The following PLGRKT variants were observed in gnomAD, a reference collection of about 807,000 sequenced individuals.
PLGRKT encodes plasminogen receptor with a C-terminal lysine, also known as plasminogen receptor (KT).
PLGRKT carries 22 observed loss-of-function variants against 18.5 expected under a neutral mutation model. The ratio of observed to expected loss-of-function variants is 1.19; its 90% CI spans 0.85 to 1.70. The LOEUF (loss-of-function observed/expected upper bound fraction) is 1.70, where lower values mean the gene tolerates loss of function less well. PLGRKT is among the 40% of genes most tolerant of loss of function. The pLI is 0.00. For missense variants in PLGRKT, 235 were observed against 174.4 expected (o/e 1.35, Z -1.96); for synonymous variants, 72 against 52.8 (o/e 1.36, Z -1.58).
chr9:5,405,871 C>A (rs945657561), intron 3 of PLGRKT, among the ~76,000 whole-genome samples: 3 of 152,026 alleles, frequency 2.0e-5, no homozygotes, highest in African/African-American at 7.2e-5. Flanking sequence ...TGACAAAGGT[C>A]TAATATCCAG....
At chr9:5,395,394 A>G (rs897985698) in intron 3 of PLGRKT, among the ~76,000 whole-genome samples, 3 of 151,990 alleles carry the variant, frequency 2.0e-5, no homozygotes, top group Non-Finnish European at 4.4e-5. Context: ...AACTCAGTGA[A>G]TTACTGGTAC....
intron 3 of PLGRKT, among the ~76,000 whole-genome samples, chr9:5,428,273 G>T (rs1050773857): frequency 6.6e-6 from 1 of 152,150 alleles, no homozygotes; most frequent in Non-Finnish European, 1.5e-5. Context: ...TCTCCCTCCA[G>T]TCCCCAATCC....
intron 3 of PLGRKT, among the ~76,000 whole-genome samples, chr9:5,375,675 A>C (rs10975082): frequency 0.23 from 35,088 of 152,120 alleles, 5,008 homozygotes; most frequent in Non-Finnish European, 0.31. Context: ...AAAGCAAACA[A>C]ACACACAACA....
chr9:5,430,995 A>T (rs1051983278), intron 3 of PLGRKT, among the ~76,000 whole-genome samples: 7 of 152,364 alleles, frequency 4.6e-5, no homozygotes, highest in African/African-American at 1.4e-4. Flanking sequence ...GTAACAAATT[A>T]TACGAAGTCT....
At chr9:5,415,546 G>A (rs1236975311) in intron 3 of PLGRKT, among the ~76,000 whole-genome samples, 2 of 152,002 alleles carry the variant, frequency 1.3e-5, no homozygotes, top group Non-Finnish European at 2.9e-5. Context: ...TTATCAATTA[G>A]AAAGAAAAAA....
At chr9:5,414,154 A>C (rs1434841416) in intron 3 of PLGRKT, among the ~76,000 whole-genome samples, 2 of 152,062 alleles carry the variant, frequency 1.3e-5, no homozygotes, top group Non-Finnish European at 2.9e-5. Context: ...GAGGAAGAAC[A>C]TTTCTTGGAG....
intron 3 of PLGRKT, among the ~76,000 whole-genome samples, chr9:5,398,454 G>C (rs1180298583): frequency 1.3e-5 from 2 of 152,000 alleles, no homozygotes; most frequent in Non-Finnish European, 2.9e-5. Context: ...CTGGAGGAAA[G>C]AAAACAGAGA....
chr9:5,358,016 G>A lies in PLGRKT; in HGVS notation c.*223C>T, dbSNP rs1469873989. On this transcript the variant is annotated 3_prime_UTR_variant, in exon 6 of 6. Transcript: ENST00000223864. ...TTATTAATTTTACACTTAGATATTG[G>A]TAATGCACACAGAGAGAGGAAATCT... 3 of 368,944 alleles carry A rather than the reference G, an allele frequency of 8.1e-6. No individual in the cohort carries two copies. The highest frequency in any genetic ancestry group is 6.2e-5 in the African/African-American group (3 of 48,032). 22.9% of individuals were successfully genotyped at this position (368,944 alleles called of 1,614,324 possible).
rs117731823 is a variant in PLGRKT, at chr9:5,364,787, G to C, written c.82-2899C>G. On this transcript the variant is annotated intron_variant, in intron 3 of 5. Coordinates refer to ENST00000223864, the MANE Select transcript of PLGRKT (RefSeq NM_018465.4). ...ACTGGAGATGAGCAACAAGTAAATTGACAGAAGATGGTGGAAGCCAGGTTT... is the reference window on the plus strand; with the variant it reads ...ACTGGAGATGAGCAACAAGTAAATTCACAGAAGATGGTGGAAGCCAGGTTT... 6.7e-4 allele frequency among the ~76,000 whole-genome samples: 102 copies of C among 152,278 alleles called. 1 individual carries two copies. The highest frequency in any genetic ancestry group is 1.2e-3 in the Non-Finnish European group (82 of 68,028).
intron 3 of PLGRKT, chr9:5,392,300 T>C (rs577087518): frequency 2.0e-5 from 3 of 152,104 alleles, no homozygotes; most frequent in Admixed American, 1.3e-4. Flanking sequence ...GGTTAATATA[T>C]TGATATAAAT....
chr9:5,411,675 C>T (rs1818369120), intron 3 of PLGRKT, among the ~76,000 whole-genome samples: 1 of 152,198 alleles, frequency 6.6e-6, no homozygotes, highest in Admixed American at 6.5e-5. Flanking sequence ...CTAACACATC[C>T]TCTTGCTGGC....
At chr9:5,375,489 G>A (rs1817610449) in intron 3 of PLGRKT, among the ~76,000 whole-genome samples, 1 of 152,076 alleles carries the variant, frequency 6.6e-6, no homozygotes, top group Non-Finnish European at 1.5e-5. Flanking sequence ...AGCCCTAAAT[G>A]TACCAAATGA....
intron 2 of PLGRKT, among the ~76,000 whole-genome samples, chr9:5,435,653 T>C (rs903459228): frequency 2.6e-5 from 4 of 152,262 alleles, no homozygotes; most frequent in African/African-American, 7.2e-5. Context: ...TTTTTATTCT[T>C]AATCCAACTG....
At chr9:5,390,841 T>C (rs935209349) in intron 3 of PLGRKT, among the ~76,000 whole-genome samples, 5 of 151,948 alleles carry the variant, frequency 3.3e-5, no homozygotes, top group African/African-American at 9.7e-5. Flanking sequence ...CACTGGAGAT[T>C]TTTTAAATGT....
At chr9:5,401,506 G>A (rs1317748121) in intron 3 of PLGRKT, among the ~76,000 whole-genome samples, 5 of 151,986 alleles carry the variant, frequency 3.3e-5, no homozygotes, top group South Asian at 4.1e-4. Flanking sequence ...GTAACCCAGA[G>A]AAAGATTAGA....
chr9:5,417,786 A>T (rs1450373265), intron 3 of PLGRKT, among the ~76,000 whole-genome samples: 4 of 148,616 alleles, frequency 2.7e-5, no homozygotes, highest in Admixed American at 1.3e-4. Context: ...CATTGGAGAC[A>T]GTTGTTAAAA....
intron 3 of PLGRKT, among the ~76,000 whole-genome samples, chr9:5,422,696 T>A (rs975409562): frequency 2.0e-5 from 3 of 152,160 alleles, no homozygotes; most frequent in African/African-American, 7.2e-5. Context: ...AATATGGTTA[T>A]ATCTATATCT....
At chr9:5,421,463 T>C (rs1218408378) in intron 3 of PLGRKT, among the ~76,000 whole-genome samples, 1 of 152,224 alleles carries the variant, frequency 6.6e-6, no homozygotes, top group Admixed American at 6.5e-5. Flanking sequence ...TGTTGGTTTG[T>C]TGCATGTGTT....
chr9:5,397,215 T>G (rs1204363619), intron 3 of PLGRKT, among the ~76,000 whole-genome samples: 2 of 151,850 alleles, frequency 1.3e-5, no homozygotes, highest in African/African-American at 4.9e-5. Context: ...GGAAATGAGC[T>G]CATGGACTTT....
Sources: allele counts gnomAD v4.1 joint callset (sites outside exome capture counted in the v4.1 genomes callset), GRCh38; gene constraint gnomAD v4.1.1; transcripts MANE v1.5; gene names NCBI Gene and HGNC (gene_info 2026-07-23, HGNC 2026-07-21).